MIB1: variants seen among roughly 807,000 people sequenced by gnomAD.
MIB1 encodes MIB E3 ubiquitin protein ligase 1.
MIB1 carries 278 observed loss-of-function variants against 124.5 expected under a neutral mutation model. The ratio of observed to expected loss-of-function variants is 2.23; its 90% CI spans 2.02 to 2.47. MIB1 has a LOEUF of 2.47. MIB1 is among the 30% of genes most tolerant of loss of function. The pLI is 0.00. For missense variants in MIB1, 957 were observed against 1,254.4 expected, an observed-to-expected ratio of 0.76 and a Z score of 3.58; for synonymous variants, 446 against 429.4, an observed-to-expected ratio of 1.04 and a Z score of -0.48.
At chr18:21,843,037 T>C (rs1331319319) in intron 13 of MIB1, 94 bp from the exon 14 acceptor site, 5 of 788,670 alleles carry the variant, frequency 6.3e-6, no homozygotes, top group African/African-American at 1.8e-5. Flanking sequence ...GCCAGCAGTG[T>C]TCGGTGTTAT....
chr18:21,821,805 G>A (rs973115283), intron 12 of MIB1, among the ~76,000 whole-genome samples: 4 of 151,940 alleles, frequency 2.6e-5, no homozygotes, highest in South Asian at 2.1e-4. Flanking sequence ...GTTTCACGAC[G>A]TTAGCCAGGA....
intron 1 of MIB1, among the ~76,000 whole-genome samples, chr18:21,715,790 A>G (rs2146355101): frequency 6.6e-6 from 1 of 152,280 alleles, no homozygotes; most frequent in African/African-American, 2.4e-5. Context: ...AGGTTTTCGA[A>G]TTAACTCAAT....
chr18:21,843,147 A>AT lies in MIB1; in HGVS notation c.1980dup (p.Ile661TyrfsTer15). The stretch of plus-strand genomic sequence containing the variant: ...CTCGTTCAGGGTAATGCAAACCTGG[A>AT]TATCCAGAATGTGAACCAACAAACT... On this transcript the variant is annotated frameshift_variant, in exon 14 of 21. Transcript: ENST00000261537. LOFTEE classifies it high-confidence loss of function. The AT allele has an allele frequency of 6.2e-7, 1 of 1,602,180 alleles. No homozygotes were observed. Among genetic ancestry groups the AT allele is most frequent in the Non-Finnish European group, 8.5e-7 (1 of 1,175,632 alleles).
At position 21,858,591 on chromosome 18, in the gene MIB1, A is replaced by G. The variant is rs1176075035; in HGVS notation, c.2825A>G (p.Asn942Ser). 3 of 1,601,878 alleles carry G rather than the reference A, an allele frequency of 1.9e-6. No individual in the cohort carries two copies. The highest frequency in any genetic ancestry group is 1.7e-5 in the Admixed American group (1 of 59,958). The change falls in exon 20 of 21, where the codon AAT becomes AGT. Residue 942 changes from asparagine to serine, a missense_variant. Coordinates refer to ENST00000261537, the MANE Select transcript of MIB1 (RefSeq NM_020774.4). ...PVLQKDKDNT[N>S]VNADVQKLQQ... Reference sequence around the variant, plus strand: ...TTACAAAAGGACAAGGATAATACCAATGTCAATGCAGATGTGCAAAAGTTG... The same window carrying G: ...TTACAAAAGGACAAGGATAATACCAGTGTCAATGCAGATGTGCAAAAGTTG...
At chr18:21,853,590 C>T (rs1228137374) in intron 18 of MIB1, among the ~76,000 whole-genome samples, 1 of 152,100 alleles carries the variant, frequency 6.6e-6, no homozygotes, top group South Asian at 2.1e-4. Flanking sequence ...CTTAATATTG[C>T]CTCTCCTGTG....
intron 1 of MIB1, among the ~76,000 whole-genome samples, chr18:21,733,367 G>A (rs974084059): frequency 1.3e-5 from 2 of 152,074 alleles, no homozygotes; most frequent in African/African-American, 4.8e-5. Context: ...TGATCATCTC[G>A]CCTCAGCCCC....
intron 15 of MIB1, among the ~76,000 whole-genome samples, chr18:21,844,977 A>G (rs900400563): frequency 6.6e-6 from 1 of 150,418 alleles, no homozygotes; most frequent in Admixed American, 6.6e-5. Flanking sequence ...GTGAATGCAC[A>G]TATTTTCTCC....
chr18:21,783,013 T>C (rs906733363), intron 6 of MIB1, among the ~76,000 whole-genome samples: 1 of 152,192 alleles, frequency 6.6e-6, no homozygotes, highest in Admixed American at 6.5e-5. Flanking sequence ...ACTTTATTAT[T>C]ATACAGTGAC....
intron 20 of MIB1, among the ~76,000 whole-genome samples, chr18:21,860,912 G>T (rs1166406171): frequency 6.6e-6 from 1 of 152,128 alleles, no homozygotes; most frequent in African/African-American, 2.4e-5. Flanking sequence ...TATGACACAT[G>T]CCTGGAGTCC....
chr18:21,836,630 C>A (rs2042035616), intron 12 of MIB1, among the ~76,000 whole-genome samples: 1 of 152,156 alleles, frequency 6.6e-6, no homozygotes, highest in South Asian at 2.1e-4. Context: ...TTCCTTTCAA[C>A]ATGATTATAT....
chr18:21,720,887 C>G (rs75723322), intron 1 of MIB1, among the ~76,000 whole-genome samples: 2 of 152,004 alleles, frequency 1.3e-5, no homozygotes, highest in Admixed American at 1.3e-4. Flanking sequence ...CACAGGAGTT[C>G]GAGGCTGCAG....
chr18:21,746,183 C>T (rs1013877789), intron 1 of MIB1, among the ~76,000 whole-genome samples: 1 of 152,128 alleles, frequency 6.6e-6, no homozygotes, highest in African/African-American at 2.4e-5. Flanking sequence ...AATGGGTAAC[C>T]TTCAGCATAA....
intron 1 of MIB1, among the ~76,000 whole-genome samples, chr18:21,721,158 AG>A (rs2040712730): frequency 1.5e-4 from 11 of 73,082 alleles, no homozygotes; most frequent in Non-Finnish European, 2.3e-4. Flanking sequence ...ATTTTAAAGA[AG>A]TTTTTTTTTT....
intron 10 of MIB1, among the ~76,000 whole-genome samples, chr18:21,809,281 A>G (rs1285159287): frequency 6.6e-6 from 1 of 152,134 alleles, no homozygotes; most frequent in African/African-American, 2.4e-5. Flanking sequence ...AAATTTTCCT[A>G]ACAAGGAAAA....
intron 10 of MIB1, among the ~76,000 whole-genome samples, chr18:21,814,805 T>G (rs996297043): frequency 6.6e-6 from 1 of 151,034 alleles, no homozygotes; most frequent in African/African-American, 2.4e-5. Context: ...AACTCCTAAC[T>G]TCAGGTGATC....
intron 20 of MIB1, among the ~76,000 whole-genome samples, chr18:21,863,164 G>A (rs2042291155): frequency 6.6e-6 from 1 of 152,228 alleles, no homozygotes; most frequent in Admixed American, 6.5e-5. Context: ...CCATGCAGCG[G>A]CACCCAGGTG....
intron 17 of MIB1, among the ~76,000 whole-genome samples, chr18:21,851,138 T>G (rs1431823699): frequency 6.6e-6 from 1 of 152,146 alleles, no homozygotes; most frequent in Non-Finnish European, 1.5e-5. Context: ...GTCTCAGCTA[T>G]GAAGTTATTC....
chr18:21,815,881 C>A, intron 11 of MIB1, 68 bp downstream of exon 11: 1 of 1,351,138 alleles, frequency 7.4e-7, no homozygotes, highest in Non-Finnish European at 1.0e-6. Context: ...ACATTAAGTT[C>A]TATGGTAAGC....
chr18:21,741,876 G>C lies in MIB1; in HGVS notation c.229+64G>C. ...GGGGAAGGGGCGAGCTGCGGTGGGC[G>C]TCGGTGTCGCGGGGAGAGGTCTGCA... On this transcript the variant is annotated intron_variant, in intron 1 of 20. Transcript: ENST00000261537. This position sits in a 1 kb window ranked among gnomAD's most constrained non-coding sequence, Gnocchi z 5.4. The C allele has an allele frequency of 7.1e-7, 1 of 1,412,918 alleles. No individual in the cohort carries two copies. The highest frequency in any genetic ancestry group is 9.5e-7 in the Non-Finnish European group (1 of 1,051,308). 87.5% of individuals were successfully genotyped at this position (1,412,918 alleles called of 1,614,324 possible).
Sources: gnomAD v4.1 joint callset for allele counts (sites outside exome capture counted in the v4.1 genomes callset) on GRCh38, gnomAD v4.1.1 for gene constraint, Gnocchi (gnomAD v3.1) non-coding constraint, MANE v1.5 for transcripts, NCBI Gene and HGNC (gene_info 2026-07-23, HGNC 2026-07-21) for gene names.